GAS7: variants seen among roughly 807,000 people sequenced by gnomAD.
GAS7 encodes the protein growth arrest specific 7.
GAS7 carries 28 observed loss-of-function variants against 71.1 expected under a neutral mutation model. The observed-to-expected ratio is 0.39, with a 90% CI of 0.29 to 0.54. GAS7 has a LOEUF of 0.54. Ranked by LOEUF, GAS7 falls within the 20% of genes least tolerant of loss-of-function variation. GAS7 has a pLI of 0.62. For missense variants in GAS7, 436 were observed against 627.8 expected (o/e 0.69, Z 3.27); for synonymous variants, 258 against 245.8 (o/e 1.05, Z -0.46).
At chr17:9,989,897 C>T (rs7217308) in intron 2 of GAS7, among the ~76,000 whole-genome samples, 3,599 of 152,290 alleles carry the variant, frequency 0.024, 133 homozygotes, top group African/African-American at 0.082. Flanking sequence ...TCAGGTTCCC[C>T]CATGAGCTTG....
At chr17:9,982,288 C>T (rs1023799862) in intron 2 of GAS7, among the ~76,000 whole-genome samples, 12 of 152,174 alleles carry the variant, frequency 7.9e-5, no homozygotes, top group African/African-American at 2.2e-4. Flanking sequence ...TATTTCTCCC[C>T]AAATGTCCAC....
Position 10,197,700 on chromosome 17 carries a change from C to T in GAS7, c.183+508G>A, listed in dbSNP as rs998364121. Among the ~76,000 whole-genome samples, 3 of 152,068 alleles carry T rather than the reference C, an allele frequency of 2.0e-5. 1 individual carries two copies. The Middle Eastern group carries it at 0.01, about 517-fold the overall frequency. On this transcript the variant is annotated intron_variant, in intron 1 of 13. Transcript: ENST00000432992. ...GCTGGTGGCCAGCAGGCTCGGCTGA[C>T]CAGCAAGTGGGTGGTCCCGAGGCGG...
In GAS7 at chr17:9,969,893, C is replaced by A; in HGVS notation, c.386-131G>T. ...AGGTCTTGCGTGGCGAAGACCATCC[C>A]TCAGGATCTGATCTTATCTGTATCT... is the stretch of plus-strand genomic sequence containing the variant. On this transcript the variant is annotated intron_variant, in intron 3 of 13. Coordinates refer to ENST00000432992, the MANE Select transcript of GAS7 (RefSeq NM_201433.2). The surrounding 1 kb of genome is among the most constrained non-coding windows in gnomAD (Gnocchi z 5.5). 1.5e-6 allele frequency: 1 copy of A among 650,318 alleles called. No homozygotes were observed. Among genetic ancestry groups the A allele is most frequent in the South Asian group, 1.8e-5 (1 of 56,276 alleles). The allele number at this position is 650,318 out of a possible 1,614,324, so 40.3% of individuals were successfully genotyped here. A position where few individuals can be genotyped will look rare whatever the true frequency, so the allele number is the denominator to read the frequency against.
At chr17:10,173,762 C>T (rs572980883) in intron 1 of GAS7, among the ~76,000 whole-genome samples, 47 of 147,622 alleles carry the variant, frequency 3.2e-4, no homozygotes, top group Admixed American at 4.0e-4. Flanking sequence ...AGCTAGACTC[C>T]GTCTCAAAAA....
intron 3 of GAS7, among the ~76,000 whole-genome samples, chr17:9,977,894 C>T (rs2070268445): frequency 6.6e-6 from 1 of 152,194 alleles, no homozygotes. Flanking sequence ...CAAACTCTCT[C>T]TAGAAGTTAA....
intron 5 of GAS7, among the ~76,000 whole-genome samples, chr17:9,951,522 C>G (rs766474510): frequency 6.6e-6 from 1 of 152,066 alleles, no homozygotes; most frequent in Non-Finnish European, 1.5e-5. Context: ...TTTGGGAGGC[C>G]GAGATGGGTG....
At chr17:9,938,350 T>C (rs1442455065) in intron 8 of GAS7, among the ~76,000 whole-genome samples, 1 of 147,422 alleles carries the variant, frequency 6.8e-6, no homozygotes, top group Admixed American at 7.0e-5. Context: ...CTACTAAAAA[T>C]ACAAAAAATT....
intron 9 of GAS7, among the ~76,000 whole-genome samples, chr17:9,932,194 C>CGTTT: frequency 8.6e-6 from 1 of 116,154 alleles, no homozygotes; most frequent in African/African-American, 3.2e-5. Context: ...GTCCCCCCCG[C>CGTTT]TTTTTTTTTT....
At chr17:10,031,815 G>A (rs957271280) in intron 1 of GAS7, among the ~76,000 whole-genome samples, 1 of 152,268 alleles carries the variant, frequency 6.6e-6, no homozygotes, top group Non-Finnish European at 1.5e-5. Flanking sequence ...CATACGGCAT[G>A]ATGGGGATCT....
At chr17:9,922,184 T>C (rs533828632) in intron 11 of GAS7, among the ~76,000 whole-genome samples, 18 of 137,834 alleles carry the variant, frequency 1.3e-4, no homozygotes, top group Admixed American at 1.1e-3. Context: ...ATATGGGCTA[T>C]GGTGGTGATG....
At chr17:9,983,557 C>A (rs1310835602) in intron 2 of GAS7, among the ~76,000 whole-genome samples, 2 of 151,576 alleles carry the variant, frequency 1.3e-5, no homozygotes, top group East Asian at 1.9e-4. Flanking sequence ...GAGGCCGAGG[C>A]GGGTGGATCA....
chr17:10,132,515 C>G lies in GAS7; in HGVS notation c.183+65693G>C, dbSNP rs1015375035. Among the ~76,000 whole-genome samples, 3 of 152,186 alleles carry G rather than the reference C, an allele frequency of 2.0e-5. No homozygotes were observed. In the East Asian group the frequency reaches 5.8e-4, roughly 29 times the overall value. Reference sequence around the variant, plus strand: ...GCACGGTGGCTCATGCCCATAATCCCAGCACTTTGGGAGGCCGAGGTGGGT... The same window carrying G: ...GCACGGTGGCTCATGCCCATAATCCGAGCACTTTGGGAGGCCGAGGTGGGT... On this transcript the variant is annotated intron_variant, in intron 1 of 13. Coordinates refer to ENST00000432992, the MANE Select transcript of GAS7 (RefSeq NM_201433.2).
intron 3 of GAS7, among the ~76,000 whole-genome samples, chr17:9,979,404 GC>G (rs1328406530): frequency 1.3e-5 from 2 of 152,264 alleles, no homozygotes; most frequent in East Asian, 3.9e-4. Context: ...ACCTTTCTCA[GC>G]CCCCTTTAGG....
intron 5 of GAS7, among the ~76,000 whole-genome samples, chr17:9,954,257 A>T (rs1165916672): frequency 6.6e-6 from 1 of 152,142 alleles, no homozygotes; most frequent in Non-Finnish European, 1.5e-5. Context: ...CTCCTGAGTC[A>T]GGGAGTAGAC....
At chr17:10,011,651 C>T (rs1300716997) in intron 2 of GAS7, among the ~76,000 whole-genome samples, 4 of 152,154 alleles carry the variant, frequency 2.6e-5, no homozygotes, top group Non-Finnish European at 5.9e-5. Flanking sequence ...TTGCATCAGG[C>T]TCTGCTTTAT....
At chr17:10,115,530 C>T (rs1351358647) in intron 1 of GAS7, among the ~76,000 whole-genome samples, 1 of 152,204 alleles carries the variant, frequency 6.6e-6, no homozygotes, top group Non-Finnish European at 1.5e-5. Flanking sequence ...CGGGGAAGCA[C>T]ACCTCAGCAC....
At position 10,034,315 on chromosome 17, in the gene GAS7, C is replaced by G. The variant is rs947440069; in HGVS notation, c.184-14418G>C. The G allele has an allele frequency of 2.1e-6, 1 of 473,554 alleles. No individual in the cohort carries two copies. The highest frequency in any genetic ancestry group is 2.2e-5 in the African/African-American group (1 of 45,252). The allele number at this position is 473,554 out of a possible 1,614,324, so 29.3% of individuals were successfully genotyped here. A position where few individuals can be genotyped will look rare whatever the true frequency, so the allele number is the denominator to read the frequency against. On this transcript the variant is annotated intron_variant, in intron 1 of 13. Transcript: ENST00000432992. This position sits in a 1 kb window ranked among gnomAD's most constrained non-coding sequence, Gnocchi z 4.4. ...ATATATAGCCTAATACTTAATAATT[C>G]TTTTTTTTTTTTTTAGACAGTCTTG...
intron 5 of GAS7, chr17:9,958,972 C>T (rs2069363563): frequency 1.4e-6 from 2 of 1,410,990 alleles, no homozygotes; most frequent in South Asian, 1.6e-5. Flanking sequence ...TCCCAGCCAT[C>T]CTCCTTCCAC....
chr17:10,119,392 T>C (rs373938557), intron 1 of GAS7, among the ~76,000 whole-genome samples: 1 of 152,232 alleles, frequency 6.6e-6, no homozygotes, highest in South Asian at 2.1e-4. Flanking sequence ...AGTGCTCTCA[T>C]GAAGCTGACA....
Sources: allele counts gnomAD v4.1 joint callset (sites outside exome capture counted in the v4.1 genomes callset), GRCh38; gene constraint gnomAD v4.1.1; non-coding constraint Gnocchi (gnomAD v3.1); transcripts MANE v1.5; gene names NCBI Gene and HGNC (gene_info 2026-07-23, HGNC 2026-07-21).